Variants in NAV3 observed in about 807,000 individuals in gnomAD.
The protein encoded by NAV3 is pore membrane and/or filament interacting like protein 1.
A neutral mutation model predicts 244.7 loss-of-function variants in NAV3; 87 were observed. That is an observed-to-expected ratio of 0.36 (90% CI 0.30 to 0.42). NAV3 has a LOEUF of 0.42. NAV3 is among the 20% of genes least tolerant of loss of function. The pLI, the probability that NAV3 is intolerant of heterozygous loss-of-function variation, is 1.00. For synonymous variants in NAV3, 1,126 were observed against 1,042.2 expected (o/e 1.08, Z -1.55); for missense variants, 2,663 against 2,893.3 (o/e 0.92, Z 1.83).
chr12:78,100,557 T>G (rs948192468), intron 12 of NAV3, among the ~76,000 whole-genome samples: 5 of 152,040 alleles, frequency 3.3e-5, no homozygotes, highest in Admixed American at 2.6e-4. Context: ...CAATACTTCA[T>G]TAAGTTCCCT....
chr12:77,858,759 T>A (rs1409399106), intron 1 of NAV3, among the ~76,000 whole-genome samples: 2 of 152,032 alleles, frequency 1.3e-5, no homozygotes, highest in Non-Finnish European at 2.9e-5. Flanking sequence ...TACATAAGCA[T>A]CCACAATGTA....
intron 1 of NAV3, among the ~76,000 whole-genome samples, chr12:77,928,242 A>AAAAAAAAAG (rs753246963): frequency 5.8e-5 from 8 of 137,840 alleles, no homozygotes; most frequent in African/African-American, 1.6e-4. Flanking sequence ...AAAAAAAAAA[A>AAAAAAAAAG]AGAGAGAGAG....
chr12:77,758,322 G>T, intron 2 of NAV3, among the ~76,000 whole-genome samples: 1 of 149,958 alleles, frequency 6.7e-6, no homozygotes, highest in African/African-American at 2.4e-5. Context: ...CTCCAAAAAA[G>T]AAAAAAAAAC....
chr12:77,924,452 G>A (rs1258671189), intron 1 of NAV3, among the ~76,000 whole-genome samples: 1 of 152,044 alleles, frequency 6.6e-6, no homozygotes, highest in African/African-American at 2.4e-5. Flanking sequence ...CACAAATTTT[G>A]GTGAACAGTG....
intron 1 of NAV3, among the ~76,000 whole-genome samples, chr12:77,892,856 A>G (rs1354452854): frequency 6.6e-6 from 1 of 152,232 alleles, no homozygotes; most frequent in African/African-American, 2.4e-5. Context: ...TTAGTGTGGT[A>G]CCTGGTAAAA....
At chr12:77,653,759 TA>T (rs2137000437) in intron 2 of NAV3, among the ~76,000 whole-genome samples, 1 of 152,302 alleles carries the variant, frequency 6.6e-6, no homozygotes, top group Admixed American at 6.5e-5. Flanking sequence ...TTTATATTTA[TA>T]CATCAATGGA....
At chr12:78,109,798 A>G (rs557577269) in intron 12 of NAV3, among the ~76,000 whole-genome samples, 26 of 152,088 alleles carry the variant, frequency 1.7e-4, no homozygotes, top group Middle Eastern at 3.4e-3. Context: ...ACATACCTCA[A>G]TATAATAAAG....
At chr12:78,147,296 A>T (rs1295757499) in intron 21 of NAV3, among the ~76,000 whole-genome samples, 1 of 152,216 alleles carries the variant, frequency 6.6e-6, no homozygotes, top group African/African-American at 2.4e-5. Flanking sequence ...TCTAACACTG[A>T]TCATAGTATA....
intron 12 of NAV3, among the ~76,000 whole-genome samples, chr12:78,109,719 AGAAAAAAATT>A: frequency 6.6e-6 from 1 of 152,066 alleles, no homozygotes; most frequent in East Asian, 1.9e-4. Context: ...CAATAGATGC[AGAAAAAAATT>A]TTTGATAAAT....
intron 2 of NAV3, among the ~76,000 whole-genome samples, chr12:77,793,625 C>A (rs1871279452): frequency 6.6e-6 from 1 of 152,180 alleles, no homozygotes; most frequent in Non-Finnish European, 1.5e-5. Context: ...TTTCCAGCTT[C>A]ATCCATGTCC....
chr12:77,773,110 T>A (rs1216632443), intron 2 of NAV3, among the ~76,000 whole-genome samples: 1 of 152,208 alleles, frequency 6.6e-6, no homozygotes, highest in Non-Finnish European at 1.5e-5. Flanking sequence ...ATGACATCAT[T>A]CTGTGAGATT....
intron 2 of NAV3, among the ~76,000 whole-genome samples, chr12:77,662,855 G>T (rs1873528001): frequency 6.6e-6 from 1 of 152,066 alleles, no homozygotes; most frequent in African/African-American, 2.4e-5. Context: ...TTATCCAAGA[G>T]CATGTTGATG....
chr12:78,068,392 C>T (rs1271181302), intron 12 of NAV3, among the ~76,000 whole-genome samples: 1 of 150,838 alleles, frequency 6.6e-6, no homozygotes. Flanking sequence ...CTAAACATAT[C>T]TATACTATAA....
At chr12:77,756,734 A>C (rs1291004419) in intron 2 of NAV3, among the ~76,000 whole-genome samples, 1 of 152,198 alleles carries the variant, frequency 6.6e-6, no homozygotes, top group African/African-American at 2.4e-5. Context: ...TAATAACTAA[A>C]GTATGAAATT....
chr12:77,834,574 C>A (rs1874293604), intron 1 of NAV3, among the ~76,000 whole-genome samples: 1 of 152,314 alleles, frequency 6.6e-6, no homozygotes, highest in Non-Finnish European at 1.5e-5. Flanking sequence ...CTGACCATGG[C>A]TATCTTTTCT....
chr12:78,137,673 G>A (rs967672154), intron 19 of NAV3, among the ~76,000 whole-genome samples: 1 of 152,066 alleles, frequency 6.6e-6, no homozygotes, highest in Non-Finnish European at 1.5e-5. Context: ...CAGAGCAAAT[G>A]TTTTGTTTGA....
At chr12:78,015,914 A>C (rs1876121429) in intron 8 of NAV3, among the ~76,000 whole-genome samples, 1 of 152,114 alleles carries the variant, frequency 6.6e-6, no homozygotes, top group African/African-American at 2.4e-5. Flanking sequence ...CTATCTATTT[A>C]AATTGTATGG....
chr12:77,712,405 C>T (rs955923780), intron 2 of NAV3, among the ~76,000 whole-genome samples: 1 of 152,118 alleles, frequency 6.6e-6, no homozygotes, highest in Non-Finnish European at 1.5e-5. Context: ...CATGGGCTCT[C>T]TCTATGGTGA....
intron 22 of NAV3, among the ~76,000 whole-genome samples, chr12:78,153,820 G>T (rs1381466320): frequency 6.6e-6 from 1 of 151,716 alleles, no homozygotes; most frequent in Non-Finnish European, 1.5e-5. Context: ...AAATTTGCTA[G>T]TTACTCTTGC....
Sources: allele counts gnomAD v4.1 joint callset (sites outside exome capture counted in the v4.1 genomes callset), GRCh38; gene constraint gnomAD v4.1.1; transcripts MANE v1.5; gene names NCBI Gene and HGNC (gene_info 2026-07-23, HGNC 2026-07-21).